The following PATJ variants were observed in gnomAD, a reference collection of about 807,000 sequenced individuals.
The protein encoded by PATJ is PATJ crumbs cell polarity complex component, also known as inaD-like protein.
PATJ carries 190 observed loss-of-function variants against 224.9 expected under a neutral mutation model. The ratio of observed to expected loss-of-function variants is 0.84; its 90% CI spans 0.75 to 0.95. The LOEUF (loss-of-function observed/expected upper bound fraction) is 0.95. PATJ is among the 40% of genes least tolerant of loss of function. The probability of loss-of-function intolerance (pLI) is 0.00; values close to 1 mark genes in which losing one functional copy is unlikely to be tolerated. For missense variants in PATJ, 2,121 were observed against 2,270.3 expected (o/e 0.93, Z 1.34); for synonymous variants, 769 against 820.3 (o/e 0.94, Z 1.07).
At chr1:61,873,799 C>T (rs1184563683) in intron 20 of PATJ, among the ~76,000 whole-genome samples, 1 of 152,210 alleles carries the variant, frequency 6.6e-6, no homozygotes, top group Admixed American at 6.5e-5. Context: ...GGCATGCCCA[C>T]AGCAGGCTGG....
intron 43 of PATJ, among the ~76,000 whole-genome samples, chr1:62,158,050 CCA>C (rs1308389455): frequency 1.3e-5 from 2 of 148,778 alleles, no homozygotes; most frequent in Admixed American, 1.4e-4. Context: ...TGAGTAAATG[CCA>C]TATGTCATAC....
chr1:62,002,000 T>C (rs1402382374), intron 28 of PATJ, among the ~76,000 whole-genome samples: 1 of 152,148 alleles, frequency 6.6e-6, no homozygotes, highest in Non-Finnish European at 1.5e-5. Context: ...AAATAATGAA[T>C]GAGAATTGGG....
At chr1:62,093,870 G>T (rs557619144) in intron 33 of PATJ, among the ~76,000 whole-genome samples, 3 of 152,168 alleles carry the variant, frequency 2.0e-5, no homozygotes, top group South Asian at 2.1e-4. Flanking sequence ...GAAGACTTGG[G>T]TAACGGAATT....
At chr1:62,134,052 G>T (rs1044855168) in intron 41 of PATJ, among the ~76,000 whole-genome samples, 2 of 151,290 alleles carry the variant, frequency 1.3e-5, no homozygotes, top group African/African-American at 4.9e-5. Flanking sequence ...AGCCAATTTT[G>T]CATTTCTTCT....
chr1:61,839,312 T>C (rs1255356529), intron 17 of PATJ, among the ~76,000 whole-genome samples: 1 of 152,144 alleles, frequency 6.6e-6, no homozygotes, highest in Non-Finnish European at 1.5e-5. Context: ...CTAGATAGTA[T>C]TCTCATTTTT....
chr1:62,110,996 T>C (rs1663742276), intron 34 of PATJ, among the ~76,000 whole-genome samples: 1 of 152,246 alleles, frequency 6.6e-6, no homozygotes. Context: ...CTCTCATGAT[T>C]ATCGGCACAT....
At chr1:62,088,135 C>T (rs1271665229) in intron 33 of PATJ, among the ~76,000 whole-genome samples, 1 of 152,122 alleles carries the variant, frequency 6.6e-6, no homozygotes, top group African/African-American at 2.4e-5. Context: ...AGGTGATCCG[C>T]CTGCCTCAGC....
chr1:61,767,875 C>G (rs6661227), intron 4 of PATJ, among the ~76,000 whole-genome samples: 40,521 of 151,234 alleles, frequency 0.27, 5,713 homozygotes, highest in East Asian at 0.42. Context: ...CAGGGTTTCA[C>G]CATGTTGGCC....
At chr1:62,130,654 A>G (rs1305718957) in intron 41 of PATJ, among the ~76,000 whole-genome samples, 1 of 151,832 alleles carries the variant, frequency 6.6e-6, no homozygotes, top group Non-Finnish European at 1.5e-5. Context: ...GATTGAGACC[A>G]TCCTGGCTAA....
intron 24 of PATJ, among the ~76,000 whole-genome samples, chr1:61,901,747 T>C (rs1671184403): frequency 1.3e-5 from 2 of 152,170 alleles, no homozygotes; most frequent in African/African-American, 4.8e-5. Context: ...GCATTATGCT[T>C]CTCCCACATT....
At chr1:61,925,835 G>A (rs12090590) in intron 26 of PATJ, among the ~76,000 whole-genome samples, 4 of 152,220 alleles carry the variant, frequency 2.6e-5, no homozygotes, top group Non-Finnish European at 5.9e-5. Context: ...CTATTGAAGA[G>A]AGTGCTAAAA....
intron 42 of PATJ, among the ~76,000 whole-genome samples, chr1:62,151,955 GAGA>G (rs1668679345): frequency 6.6e-6 from 1 of 152,174 alleles, no homozygotes; most frequent in African/African-American, 2.4e-5. Flanking sequence ...GTTTCTAAGA[GAGA>G]AGACTTCCAC....
chr1:62,159,479 AC>A, intron 43 of PATJ, among the ~76,000 whole-genome samples: 1 of 151,922 alleles, frequency 6.6e-6, no homozygotes, highest in Non-Finnish European at 1.5e-5. Flanking sequence ...GGCATGAGCC[AC>A]CATGTCCAGC....
At chr1:61,900,477 T>G (rs1670972117) in intron 23 of PATJ, among the ~76,000 whole-genome samples, 1 of 152,192 alleles carries the variant, frequency 6.6e-6, no homozygotes, top group Non-Finnish European at 1.5e-5. Flanking sequence ...ACCACAGAGT[T>G]AAACCTGCTG....
At chr1:62,060,629 G>C (rs1655267195) in intron 31 of PATJ, among the ~76,000 whole-genome samples, 2 of 152,126 alleles carry the variant, frequency 1.3e-5, no homozygotes, top group Non-Finnish European at 1.5e-5. Context: ...GGTGGTGGTA[G>C]GTGGGAGGGA....
chr1:61,801,627 T>C lies in PATJ; in HGVS notation c.1407T>C (p.Thr469=). The change falls in exon 12 of 44, where the codon ACT becomes ACC. Residue 469 remains threonine (T), a synonymous_variant. Coordinates refer to ENST00000642238, the MANE Select transcript of PATJ (RefSeq NM_001350145.3). ...SPLEPPSDRG[T]VVEPLKPPAL... ...AATTATTTTTTTTTGTTTTAGGAAC[T>C]GTTGTAGAACCACTGAAACCACCAG... The C allele has an allele frequency of 6.6e-7, 1 of 1,514,032 alleles. No homozygotes were observed. The highest frequency in any genetic ancestry group is 8.8e-7 in the Non-Finnish European group (1 of 1,130,302). 93.8% of individuals were successfully genotyped at this position (1,514,032 alleles called of 1,614,324 possible).
rs879603879 is a variant in PATJ, at chr1:61,761,682, A to AT, written c.-35-1162dup. Among the ~76,000 whole-genome samples, 180 of 142,094 alleles carry AT rather than the reference A, an allele frequency of 1.3e-3. 1 individual carries two copies. Among genetic ancestry groups the AT allele is most frequent in the South Asian group, 2.2e-3 (10 of 4,462 alleles). The allele number at this position is 142,094 out of a possible 152,430, so 93.2% of individuals were successfully genotyped here. On this transcript the variant is annotated intron_variant, in intron 1 of 43. Transcript: ENST00000642238. Reference sequence around the variant, plus strand: ...TTCATATTCCTCTGGGTGTTCCTCTATTTTTTTTTTTTTTAATTTTTGAGA... The same window carrying AT: ...TTCATATTCCTCTGGGTGTTCCTCTATTTTTTTTTTTTTTTAATTTTTGAGA...
At chr1:61,932,375 G>A (rs909044676) in intron 27 of PATJ, among the ~76,000 whole-genome samples, 2 of 152,164 alleles carry the variant, frequency 1.3e-5, no homozygotes, top group African/African-American at 4.8e-5. Flanking sequence ...TGTGTAGACA[G>A]CAACAAGAAG....
chr1:62,144,554 G>GT (rs1667817170), intron 41 of PATJ, among the ~76,000 whole-genome samples: 1 of 151,968 alleles, frequency 6.6e-6, no homozygotes, highest in African/African-American at 2.4e-5. Context: ...TCTTGAGAAA[G>GT]TATCTCTGGT....
Sources: gnomAD v4.1 joint callset for allele counts (sites outside exome capture counted in the v4.1 genomes callset) on GRCh38, gnomAD v4.1.1 for gene constraint, MANE v1.5 for transcripts, NCBI Gene and HGNC (gene_info 2026-07-23, HGNC 2026-07-21) for gene names.